The following MTHFD2L variants were observed in gnomAD, a reference collection of about 807,000 sequenced individuals.
MTHFD2L encodes bifunctional methylenetetrahydrofolate dehydrogenase/cyclohydrolase 2, mitochondrial.
MTHFD2L carries 29 observed loss-of-function variants against 34.9 expected under a neutral mutation model. The ratio of observed to expected loss-of-function variants is 0.83; its 90% CI spans 0.62 to 1.13. The LOEUF is 1.13. MTHFD2L is among the 50% of genes most tolerant of loss of function. The pLI is 0.00. For synonymous variants in MTHFD2L, 167 were observed against 155.7 expected (o/e 1.07, Z -0.54); for missense variants, 481 against 446.5 (o/e 1.08, Z -0.70).
intron 7 of MTHFD2L, among the ~76,000 whole-genome samples, chr4:74,284,076 C>A (rs2110286093): frequency 6.6e-6 from 1 of 152,250 alleles, no homozygotes; most frequent in Admixed American, 6.6e-5. Flanking sequence ...TAGATAAAAT[C>A]AATCGTTGAA....
intron 5 of MTHFD2L, among the ~76,000 whole-genome samples, chr4:74,213,173 A>G (rs1465045689): frequency 6.6e-6 from 1 of 152,076 alleles, no homozygotes; most frequent in Admixed American, 6.5e-5. Flanking sequence ...GTGCCTTTTA[A>G]TTGGGGCATT....
chr4:74,207,948 C>G (rs1395579092), intron 5 of MTHFD2L, among the ~76,000 whole-genome samples: 2 of 151,828 alleles, frequency 1.3e-5, no homozygotes, highest in Non-Finnish European at 2.9e-5. Flanking sequence ...ATAGGAACGC[C>G]TAGGAATGCA....
intron 6 of MTHFD2L, 48 bp from the exon 7 acceptor site, chr4:74,281,377 T>C (rs775944640): frequency 1.8e-5 from 29 of 1,580,856 alleles, no homozygotes; most frequent in Admixed American, 1.2e-4. Context: ...AAAACAGATA[T>C]GTACACCTTT....
At chr4:74,292,580 G>A (rs1193803841) in intron 7 of MTHFD2L, among the ~76,000 whole-genome samples, 1 of 152,114 alleles carries the variant, frequency 6.6e-6, no homozygotes, top group African/African-American at 2.4e-5. Flanking sequence ...GGGATTGGGT[G>A]GGGGAGGGAA....
At chr4:74,177,786 A>G (rs1014589507) in intron 3 of MTHFD2L, among the ~76,000 whole-genome samples, 2 of 152,010 alleles carry the variant, frequency 1.3e-5, no homozygotes, top group Non-Finnish European at 2.9e-5. Context: ...TGTCAAAGAG[A>G]TATCTGCACT....
intron 1 of MTHFD2L, among the ~76,000 whole-genome samples, chr4:74,151,573 C>G (rs758752377): frequency 1.6e-4 from 25 of 152,146 alleles, no homozygotes; most frequent in South Asian, 6.2e-4. Flanking sequence ...CCTGTTTCCT[C>G]ATAGCTTCAT....
intron 7 of MTHFD2L, among the ~76,000 whole-genome samples, chr4:74,301,398 C>G (rs1750298274): frequency 6.6e-6 from 1 of 151,944 alleles, no homozygotes; most frequent in South Asian, 2.1e-4. Context: ...TTACAGGTAA[C>G]TGGGTCAATC....
intron 6 of MTHFD2L, among the ~76,000 whole-genome samples, chr4:74,238,090 C>A (rs1741118833): frequency 6.6e-6 from 1 of 152,092 alleles, no homozygotes; most frequent in South Asian, 2.1e-4. Flanking sequence ...ATCAGCATAT[C>A]TAATTAATAC....
chr4:74,302,167 G>T lies in MTHFD2L; in HGVS notation c.*358G>T, dbSNP rs1750400995. On this transcript the variant is annotated 3_prime_UTR_variant, in exon 8 of 8. Coordinates refer to ENST00000325278, the MANE Select transcript of MTHFD2L (RefSeq NM_001144978.3). The stretch of plus-strand genomic sequence containing the variant: ...CAACAAATATCCTGTCAGCCAAATG[G>T]TTACCCATATAAAATGTAATTTAGG... The T allele has an allele frequency of 6.2e-6, 1 of 160,276 alleles. No homozygotes were observed. Among genetic ancestry groups the T allele is most frequent in the Non-Finnish European group, 1.4e-5 (1 of 73,666 alleles). The allele number at this position is 160,276 out of a possible 1,614,324, so 9.9% of individuals were successfully genotyped here.
intron 6 of MTHFD2L, among the ~76,000 whole-genome samples, chr4:74,247,426 C>G (rs1311578970): frequency 6.6e-6 from 1 of 151,850 alleles, no homozygotes; most frequent in Non-Finnish European, 1.5e-5. Flanking sequence ...CATCTGCAAA[C>G]AGGGACAATT....
intron 3 of MTHFD2L, among the ~76,000 whole-genome samples, chr4:74,177,420 A>T (rs1729260710): frequency 6.6e-6 from 1 of 151,974 alleles, no homozygotes; most frequent in Non-Finnish European, 1.5e-5. Context: ...CACAACATTA[A>T]TTCTTAAAAT....
At chr4:74,272,374 G>T (rs1002253411) in intron 6 of MTHFD2L, among the ~76,000 whole-genome samples, 7 of 152,050 alleles carry the variant, frequency 4.6e-5, no homozygotes, top group African/African-American at 1.7e-4. Flanking sequence ...GGCTAATATG[G>T]TCATACCTAT....
At chr4:74,204,877 A>AATTT (rs1386985293) in intron 5 of MTHFD2L, among the ~76,000 whole-genome samples, 3 of 152,194 alleles carry the variant, frequency 2.0e-5, no homozygotes, top group Non-Finnish European at 4.4e-5. Flanking sequence ...TGATGGTGGC[A>AATTT]GTGACCTCTG....
chr4:74,272,611 G>T (rs1050974702), intron 6 of MTHFD2L, among the ~76,000 whole-genome samples: 3 of 152,046 alleles, frequency 2.0e-5, no homozygotes, highest in Non-Finnish European at 4.4e-5. Flanking sequence ...AGTGTTTAAT[G>T]ATTGGTAATA....
At chr4:74,241,946 T>G (rs1382460438) in intron 6 of MTHFD2L, 1 of 154,626 alleles carries the variant, frequency 6.5e-6, no homozygotes, top group East Asian at 1.9e-4. Context: ...ATTAGCGGTT[T>G]CCGGGAGTCA....
At chr4:74,260,307 G>A (rs562282994) in intron 6 of MTHFD2L, among the ~76,000 whole-genome samples, 1 of 152,284 alleles carries the variant, frequency 6.6e-6, no homozygotes, top group African/African-American at 2.4e-5. Context: ...GCCCCCGGCT[G>A]TGAATCCTCC....
intron 6 of MTHFD2L, among the ~76,000 whole-genome samples, chr4:74,265,263 C>G (rs1430098586): frequency 1.3e-5 from 2 of 152,178 alleles, no homozygotes; most frequent in Non-Finnish European, 2.9e-5. Context: ...GTCTGCAAGT[C>G]TGCCAGGGCT....
chr4:74,135,397 T>C (rs1481150095), intron 1 of MTHFD2L, among the ~76,000 whole-genome samples: 1 of 151,812 alleles, frequency 6.6e-6, no homozygotes, highest in Non-Finnish European at 1.5e-5. Flanking sequence ...AATTGGAAAA[T>C]ATAGAAGAAA....
At chr4:74,163,401 A>G (rs1327251394) in intron 1 of MTHFD2L, among the ~76,000 whole-genome samples, 2 of 152,254 alleles carry the variant, frequency 1.3e-5, no homozygotes, top group East Asian at 3.8e-4. Context: ...TGTGGCACAA[A>G]GCTTAGCATC....
Sources: allele counts gnomAD v4.1 joint callset (sites outside exome capture counted in the v4.1 genomes callset), GRCh38; gene constraint gnomAD v4.1.1; transcripts MANE v1.5; gene names NCBI Gene and HGNC (gene_info 2026-07-23, HGNC 2026-07-21).